Variants in ABCC4 observed in about 807,000 individuals in gnomAD.
ABCC4 encodes ATP-binding cassette sub-family C member 4.
Under a neutral mutation model 168.5 loss-of-function variants are expected in ABCC4, and 102 were observed. The observed-to-expected ratio is 0.61, with a 90% confidence interval of 0.52 to 0.71. The LOEUF (loss-of-function observed/expected upper bound fraction) is 0.71, where lower values mean the gene tolerates loss of function less well. ABCC4 is among the 30% of genes least tolerant of loss of function. The pLI is 0.00. For missense variants in ABCC4, 1,402 were observed against 1,605.8 expected (o/e 0.87, Z 2.17); for synonymous variants, 617 against 590.7 (o/e 1.04, Z -0.65).
At chr13:95,291,448 CTT>C (rs1288712741) in intron 1 of ABCC4, among the ~76,000 whole-genome samples, 2 of 152,110 alleles carry the variant, frequency 1.3e-5, no homozygotes, top group South Asian at 2.1e-4. Flanking sequence ...CACGACCTCT[CTT>C]GACACTTGTG....
chr13:95,249,613 G>A (rs2040204087), intron 1 of ABCC4, among the ~76,000 whole-genome samples: 1 of 152,098 alleles, frequency 6.6e-6, no homozygotes, highest in Admixed American at 6.6e-5. Context: ...TCCAAAATGT[G>A]TCCAGAAGAC....
intron 19 of ABCC4, among the ~76,000 whole-genome samples, chr13:95,144,862 C>T (rs2036438880): frequency 6.6e-6 from 1 of 151,988 alleles, no homozygotes; most frequent in Admixed American, 6.6e-5. Flanking sequence ...CCATTTTTCA[C>T]AGAACTAGAA....
chr13:95,048,289 C>T (rs72642344), intron 27 of ABCC4, among the ~76,000 whole-genome samples: 16 of 152,254 alleles, frequency 1.1e-4, no homozygotes, highest in Non-Finnish European at 1.9e-4. Context: ...CACAATGTAT[C>T]AGGTTATTTT....
chr13:95,167,032 C>CA (rs1400196027), intron 14 of ABCC4, among the ~76,000 whole-genome samples: 19 of 151,788 alleles, frequency 1.3e-4, no homozygotes, highest in Non-Finnish European at 2.2e-4. Context: ...ACTAAAAATA[C>CA]AAAAAAATTA....
chr13:95,134,726 A>G (rs1302487159), intron 19 of ABCC4, among the ~76,000 whole-genome samples: 1 of 152,110 alleles, frequency 6.6e-6, no homozygotes, highest in Non-Finnish European at 1.5e-5. Flanking sequence ...TCTCAAAAAA[A>G]TTTAAATAAA....
chr13:95,074,650 C>T (rs116035116), intron 22 of ABCC4, among the ~76,000 whole-genome samples: 2,013 of 152,188 alleles, frequency 0.013, 42 homozygotes, highest in African/African-American at 0.046. Context: ...TGAAGTCCAC[C>T]CACACACATG....
intron 4 of ABCC4, among the ~76,000 whole-genome samples, chr13:95,223,594 C>T (rs4363736): frequency 0.18 from 27,170 of 152,136 alleles, 3,309 homozygotes; most frequent in Non-Finnish European, 0.27. Context: ...CTCTGCCTCC[C>T]GGGTTCAAGC....
At chr13:95,042,082 C>T (rs1593993193) in intron 29 of ABCC4, among the ~76,000 whole-genome samples, 1 of 152,108 alleles carries the variant, frequency 6.6e-6, no homozygotes, top group East Asian at 1.9e-4. Context: ...TAGATGGAGA[C>T]ACTAATGGAG....
At chr13:95,197,875 G>A (rs1416380628) in intron 8 of ABCC4, among the ~76,000 whole-genome samples, 3 of 151,972 alleles carry the variant, frequency 2.0e-5, no homozygotes, top group Admixed American at 6.6e-5. Flanking sequence ...AAAAACAGAC[G>A]GAACTTCTTA....
chr13:95,180,589 C>G (rs2037859133), intron 11 of ABCC4, among the ~76,000 whole-genome samples: 1 of 152,116 alleles, frequency 6.6e-6, no homozygotes, highest in African/African-American at 2.4e-5. Context: ...AACACTATCT[C>G]TTCCTTTCAG....
intron 4 of ABCC4, among the ~76,000 whole-genome samples, chr13:95,221,575 G>T (rs562173002): frequency 1.3e-3 from 191 of 151,036 alleles, no homozygotes; most frequent in Non-Finnish European, 2.3e-3. Context: ...AGTAGAAAAA[G>T]ATTAAAAACA....
intron 1 of ABCC4, among the ~76,000 whole-genome samples, chr13:95,260,735 A>G (rs2040510466): frequency 6.6e-6 from 1 of 152,178 alleles, no homozygotes; most frequent in Non-Finnish European, 1.5e-5. Context: ...CTAAACTCAG[A>G]AAGTTGGACT....
Position 95,247,668 on chromosome 13 carries a change from G to C in ABCC4, c.160C>G (p.Gln54Glu). The change falls in exon 2 of 31, where the codon CAG becomes GAG. Residue 54 changes from glutamine (Q) to glutamate (E), a missense_variant. Coordinates refer to ENST00000645237, the MANE Select transcript of ABCC4 (RefSeq NM_005845.5). ...MYSVLPEDRSQHLGEELQGFW... is the reference protein window; with the variant it reads ...MYSVLPEDRSEHLGEELQGFW... ...CCTTGCAACTCCTCTCCAAGGTGCT[G>C]TGAGCGGTCTTCTGGCAGCACTGAA... The C allele has an allele frequency of 6.2e-7, 1 of 1,613,978 alleles. No homozygotes were observed. The highest frequency in any genetic ancestry group is 8.5e-7 in the Non-Finnish European group (1 of 1,179,928).
chr13:95,167,131 C>G (rs1393623857), intron 14 of ABCC4, among the ~76,000 whole-genome samples: 1 of 151,798 alleles, frequency 6.6e-6, no homozygotes, highest in Non-Finnish European at 1.5e-5. Flanking sequence ...GAGCAGAGAT[C>G]AAGCCACTGC....
Position 95,127,724 on chromosome 13 carries a change from T to TTC in ABCC4, c.2456-11725_2456-11724dup, listed in dbSNP as rs2035833554. On this transcript the variant is annotated intron_variant, in intron 19 of 30. Transcript: ENST00000645237. Reference sequence around the variant, plus strand: ...GTGATCTCATGCCCTTGTGGTGCCATTCTCTAAGGATAGTGACTCCCAAAC... The same window carrying TTC: ...GTGATCTCATGCCCTTGTGGTGCCATTCTCTCTAAGGATAGTGACTCCCAAAC... Among the ~76,000 whole-genome samples the TTC allele has an allele frequency of 2.0e-5, 3 of 152,130 alleles. No individual in the cohort carries two copies. The South Asian group carries it at 6.2e-4, about 32-fold the overall frequency.
chr13:95,207,865 A>T lies in ABCC4; in HGVS notation c.846T>A (p.Gly282=). Residue 282 remains glycine, a synonymous_variant, in exon 7 of 31, where the codon GGT becomes GGA. Transcript: ENST00000645237. ...RIRTMNEVIT[G]IRIIKMYAWE... is the part of the protein sequence containing the mutation. ...AGGCGTACATTTTTATTATCCTTAT[A>T]CCAGTTATAACTTCATTCATGGTCC... is the stretch of plus-strand genomic sequence containing the variant. The T allele has an allele frequency of 6.2e-7, 1 of 1,613,692 alleles. No homozygotes were observed. Among genetic ancestry groups the T allele is most frequent in the Middle Eastern group, 1.7e-4 (1 of 6,060 alleles).
intron 20 of ABCC4, among the ~76,000 whole-genome samples, chr13:95,092,127 T>C (rs975520058): frequency 8.5e-5 from 13 of 152,124 alleles, no homozygotes; most frequent in Non-Finnish European, 1.5e-5. Flanking sequence ...CCTAAACATA[T>C]ATGCACCCAA....
intron 30 of ABCC4, among the ~76,000 whole-genome samples, chr13:95,031,597 G>A (rs146091259): frequency 2.6e-5 from 4 of 152,272 alleles, no homozygotes; most frequent in Admixed American, 6.5e-5. Context: ...CTATACGAAC[G>A]TAAGTTACGA....
intron 11 of ABCC4, among the ~76,000 whole-genome samples, chr13:95,180,569 T>C (rs2037858653): frequency 6.6e-6 from 1 of 151,424 alleles, no homozygotes; most frequent in Non-Finnish European, 1.5e-5. Context: ...AAAAAGACAA[T>C]GCACCAGTTA....
Sources: gnomAD v4.1 joint callset for allele counts (sites outside exome capture counted in the v4.1 genomes callset) on GRCh38, gnomAD v4.1.1 for gene constraint, MANE v1.5 for transcripts, NCBI Gene and HGNC (gene_info 2026-07-23, HGNC 2026-07-21) for gene names.